Variants in BEND6 observed in about 807,000 individuals in gnomAD.
The protein encoded by BEND6 is BEN domain containing 6, also known as BEN domain-containing protein 6.
BEND6 carries 24 observed loss-of-function variants against 31.8 expected under a neutral mutation model. The observed-to-expected ratio is 0.75, with a 90% CI of 0.55 to 1.06. BEND6 has a LOEUF of 1.06. BEND6 is among the 50% of genes least tolerant of loss of function. The probability of loss-of-function intolerance (pLI) is 0.00; values close to 1 mark genes in which losing one functional copy is unlikely to be tolerated. For synonymous variants in BEND6, 109 were observed against 114.6 expected, an observed-to-expected ratio of 0.95 and a Z score of 0.31; for missense variants, 294 against 327.4, an observed-to-expected ratio of 0.90 and a Z score of 0.79.
Position 57,011,187 on chromosome 6 carries a change from A to T in BEND6, c.299-3946A>T, listed in dbSNP as rs79841137. 1.0e-2 allele frequency among the ~76,000 whole-genome samples: 1,523 copies of T among 152,328 alleles called. 25 individuals carry two copies. Among genetic ancestry groups the T allele is most frequent in the African/African-American group, 0.033 (1,384 of 41,576 alleles). ...CTAAGATTATAACCTATCAAAAAAA[A>T]TGGAGATTGTTGTTACTGATTAACA... is the stretch of plus-strand genomic sequence containing the variant. On this transcript the variant is annotated intron_variant, in intron 3 of 6. Transcript: ENST00000370746.
intron 2 of BEND6, among the ~76,000 whole-genome samples, chr6:56,983,490 T>G (rs1329268116): frequency 2.6e-5 from 4 of 152,230 alleles, no homozygotes; most frequent in Non-Finnish European, 5.9e-5. Context: ...TAGTAACCAC[T>G]GTTTTGTTCT....
At chr6:57,022,995 A>G (rs1335676078) in intron 6 of BEND6, among the ~76,000 whole-genome samples, 1 of 152,182 alleles carries the variant, frequency 6.6e-6, no homozygotes, top group Non-Finnish European at 1.5e-5. Flanking sequence ...AATACTTGAT[A>G]TGATTTCTAC....
chr6:56,967,691 G>A (rs1825534926), intron 1 of BEND6, among the ~76,000 whole-genome samples: 1 of 152,170 alleles, frequency 6.6e-6, no homozygotes, highest in African/African-American at 2.4e-5. Flanking sequence ...GTCTCTGTGG[G>A]AATGGTACTA....
chr6:57,012,338 T>A lies in BEND6; in HGVS notation c.299-2795T>A, dbSNP rs187295560. Among the ~76,000 whole-genome samples, 18 of 152,310 alleles carry A rather than the reference T, an allele frequency of 1.2e-4. No individual in the cohort carries two copies. The East Asian group carries it at 3.5e-3, about 29-fold the overall frequency. On this transcript the variant is annotated intron_variant, in intron 3 of 6. Transcript: ENST00000370746. ...AGGAGAATATACTGTTTGAGTTAAT[T>A]TATATGGAATTCTAGAACAAGTAAA... is the stretch of plus-strand genomic sequence containing the variant.
chr6:57,002,109 G>A (rs1442847408), intron 3 of BEND6, among the ~76,000 whole-genome samples: 1 of 152,062 alleles, frequency 6.6e-6, no homozygotes, highest in Non-Finnish European at 1.5e-5. Flanking sequence ...AAAAGAAAGG[G>A]CAAAGTGGAG....
intron 3 of BEND6, among the ~76,000 whole-genome samples, chr6:57,001,356 G>T (rs1038672176): frequency 3.3e-5 from 5 of 151,972 alleles, no homozygotes; most frequent in Non-Finnish European, 5.9e-5. Flanking sequence ...AAAAGATGGG[G>T]TTTTGCCATG....
chr6:57,018,472 T>C lies in BEND6; in HGVS notation c.764T>C (p.Met255Thr). 1 of 1,592,894 alleles carries C rather than the reference T, an allele frequency of 6.3e-7. No homozygotes were observed. Among genetic ancestry groups the C allele is most frequent in the Non-Finnish European group, 8.5e-7 (1 of 1,173,110 alleles). The stretch of plus-strand genomic sequence containing the variant: ...ACGGATGATGTTTCAATTAGGAGAA[T>C]GATAGGGCAAAAGCTAAACAACTGT... ...PNTDDVSIRR[M>T]IGQKLNNCTK... Residue 255 changes from methionine to threonine, a missense_variant, in exon 6 of 7, where the codon ATG becomes ACG. Met to Thr is a moderately conservative substitution (Grantham distance 81). Transcript: ENST00000370746.
chr6:57,014,540 GA>G, intron 3 of BEND6: 4 of 1,487,332 alleles, frequency 2.7e-6, no homozygotes, highest in Admixed American at 2.4e-5. Flanking sequence ...GTTTCCATTT[GA>G]AAAAAGGAAC....
intron 1 of BEND6, chr6:56,975,649 A>G: frequency 2.5e-6 from 1 of 397,964 alleles, no homozygotes. Flanking sequence ...TGAAAACTCT[A>G]GCCGTGAAAA....
rs1255812154 is a variant in BEND6 at position 57,017,355 on chromosome 6, C to A, written c.668C>A (p.Ala223Asp). 1.4e-6 allele frequency: 2 copies of A among 1,391,824 alleles called. No homozygotes were observed. Among genetic ancestry groups the A allele is most frequent in the Non-Finnish European group, 9.4e-7 (1 of 1,065,708 alleles). The allele number at this position is 1,391,824 out of a possible 1,614,324, so 86.2% of individuals were successfully genotyped here. ...GAKSSTSRDK[A>D]VKPAMNQNEV... ...AAATCCTCTACTTCAAGGGACAAAGCTGTAAAACCAGCTATGAATCAGAAT... is the reference window on the plus strand; with the variant it reads ...AAATCCTCTACTTCAAGGGACAAAGATGTAAAACCAGCTATGAATCAGAAT... Residue 223 changes from alanine to aspartate, a missense_variant, in exon 5 of 7, where the codon GCT becomes GAT. Ala to Asp is a moderately radical substitution (Grantham distance 126, BLOSUM62 -2). Transcript: ENST00000370746.
Position 56,981,865 on chromosome 6 carries a change from G to T in BEND6, c.55G>T (p.Gly19Ter). ...EITNTQAFRKGKRKRTETMDS... is the reference protein window; with the variant it reads ...EITNTQAFRK Reference sequence around the variant, plus strand: ...TACCAATACACAAGCTTTTAGAAAAGGAAAGAGGAAAAGAACAGAGACAAT... The same window carrying T: ...TACCAATACACAAGCTTTTAGAAAATGAAAGAGGAAAAGAACAGAGACAAT... The change falls in exon 2 of 7, where the codon GGA (glycine) becomes TGA (stop). Residue 19 changes from glycine to a stop codon, truncating the protein, a stop_gained. Coordinates refer to ENST00000370746, the MANE Select transcript of BEND6 (RefSeq NM_152731.3). LOFTEE classifies it high-confidence loss of function. 1 of 1,612,656 alleles carries T rather than the reference G, an allele frequency of 6.2e-7. No individual in the cohort carries two copies. Among genetic ancestry groups the T allele is most frequent in the Non-Finnish European group, 8.5e-7 (1 of 1,179,296 alleles).
chr6:56,987,397 G>A (rs1291923321), intron 2 of BEND6, among the ~76,000 whole-genome samples: 2 of 152,194 alleles, frequency 1.3e-5, no homozygotes, highest in Non-Finnish European at 1.5e-5. Context: ...TGTTGTCTCT[G>A]ACCCATTTAT....
chr6:56,967,739 T>C (rs2127842082), intron 1 of BEND6, among the ~76,000 whole-genome samples: 1 of 152,322 alleles, frequency 6.6e-6, no homozygotes, highest in Non-Finnish European at 1.5e-5. Flanking sequence ...TGTAAGGGAC[T>C]ACTTGAAGTG....
intron 3 of BEND6, among the ~76,000 whole-genome samples, chr6:57,000,655 G>A (rs1207786131): frequency 1.3e-5 from 2 of 150,722 alleles, no homozygotes; most frequent in African/African-American, 4.9e-5. Context: ...AAAAGTAGGA[G>A]TTGACCCTTT....
chr6:56,980,520 A>G (rs577851512), intron 1 of BEND6, among the ~76,000 whole-genome samples: 101 of 152,202 alleles, frequency 6.6e-4, no homozygotes, highest in African/African-American at 2.2e-3. Flanking sequence ...AATTATTAGT[A>G]AAGATTGATA....
chr6:56,955,589 G>A (rs962491467), intron 1 of BEND6, 129 bp downstream of exon 1: 4 of 152,232 alleles, frequency 2.6e-5, no homozygotes, highest in Non-Finnish European at 4.4e-5. Context: ...AACTAGGAGC[G>A]CTCCGGGGTA....
chr6:56,962,220 A>G (rs532220614), intron 1 of BEND6, among the ~76,000 whole-genome samples: 92 of 152,268 alleles, frequency 6.0e-4, no homozygotes, highest in Non-Finnish European at 1.1e-3. Flanking sequence ...AAGCCAGTAA[A>G]TTTCTGTTCA....
At chr6:56,960,336 T>G (rs948760105) in intron 1 of BEND6, among the ~76,000 whole-genome samples, 1 of 152,170 alleles carries the variant, frequency 6.6e-6, no homozygotes, top group African/African-American at 2.4e-5. Flanking sequence ...AAAGCAAGTT[T>G]GAAAGCTGAA....
At chr6:56,992,756 A>G (rs1295213178) in intron 3 of BEND6, among the ~76,000 whole-genome samples, 1 of 152,190 alleles carries the variant, frequency 6.6e-6, no homozygotes, top group Non-Finnish European at 1.5e-5. Context: ...TGGCTTGAAA[A>G]TTTTTAGATT....
Sources: gnomAD v4.1 joint callset for allele counts (sites outside exome capture counted in the v4.1 genomes callset) on GRCh38, gnomAD v4.1.1 for gene constraint, MANE v1.5 for transcripts, NCBI Gene and HGNC (gene_info 2026-07-23, HGNC 2026-07-21) for gene names.